The following FRMD4B variants were observed in gnomAD, a reference collection of about 807,000 sequenced individuals.
FRMD4B encodes FERM domain containing 4B.
A neutral mutation model predicts 141.5 loss-of-function variants in FRMD4B; 74 were observed. The observed-to-expected ratio is 0.52, with a 90% CI of 0.43 to 0.63. The LOEUF (loss-of-function observed/expected upper bound fraction) is 0.63, where lower values mean the gene tolerates loss of function less well. Ranked by LOEUF, FRMD4B falls within the 30% of genes least tolerant of loss-of-function variation. FRMD4B has a pLI of 0.00. For missense variants in FRMD4B, 1,366 were observed against 1,253.4 expected (o/e 1.09, Z -1.36); for synonymous variants, 506 against 467.9 (o/e 1.08, Z -1.05).
At chr3:69,481,904 CA>C (rs1706130880) in intron 1 of FRMD4B, among the ~76,000 whole-genome samples, 1 of 152,178 alleles carries the variant, frequency 6.6e-6, no homozygotes, top group African/African-American at 2.4e-5. Context: ...TAAGGTTTAA[CA>C]GAGCCATTCT....
At chr3:69,360,661 G>A (rs928754602) in intron 1 of FRMD4B, among the ~76,000 whole-genome samples, 16 of 152,098 alleles carry the variant, frequency 1.1e-4, no homozygotes, top group Non-Finnish European at 2.4e-4. Flanking sequence ...TAGCACCTAA[G>A]TTTTGCTGAT....
At position 69,291,264 on chromosome 3, in the gene FRMD4B, A is replaced by G. The variant is rs1213734661; in HGVS notation, c.417-3428T>C. ...TTTTCCTTCACTTTTAATTACTTCA[A>G]TAGACTTCTCTAACAGGGACTGTAT... On this transcript the variant is annotated intron_variant, in intron 4 of 22. Transcript: ENST00000398540. Among the ~76,000 whole-genome samples, 8 of 152,310 alleles carry G rather than the reference A, an allele frequency of 5.3e-5. No individual in the cohort carries two copies. The South Asian group carries it at 6.2e-4, about 12-fold the overall frequency.
intron 5 of FRMD4B, among the ~76,000 whole-genome samples, chr3:69,264,978 G>A (rs1016142702): frequency 6.6e-6 from 1 of 151,872 alleles, no homozygotes; most frequent in Admixed American, 6.6e-5. Context: ...ATATGAGGTC[G>A]GGCGCGGTGG....
intron 1 of FRMD4B, among the ~76,000 whole-genome samples, chr3:69,508,766 A>G (rs1706639275): frequency 6.6e-6 from 1 of 152,220 alleles, no homozygotes; most frequent in African/African-American, 2.4e-5. Context: ...ACAGAGCAAC[A>G]TATTATAGCC....
rs141094854 is a variant in FRMD4B at position 69,455,361 on chromosome 3, A to G, written c.-128-22600T>C. Among the ~76,000 whole-genome samples the G allele has an allele frequency of 7.9e-5, 12 of 152,190 alleles. 1 individual carries two copies. The highest frequency in any genetic ancestry group is 4.1e-4 in the South Asian group (2 of 4,828). ...GCAGTTGCTTGTTATTTGGGTCTGCACTGCCTTTATGAGCTGTAACACTCA... is the reference window on the plus strand; with the variant it reads ...GCAGTTGCTTGTTATTTGGGTCTGCGCTGCCTTTATGAGCTGTAACACTCA... On this transcript the variant is annotated intron_variant, in intron 1 of 5. Transcript: ENST00000459638.
chr3:69,229,022 T>G (rs1254864189), intron 7 of FRMD4B, among the ~76,000 whole-genome samples: 3 of 149,302 alleles, frequency 2.0e-5, no homozygotes, highest in Non-Finnish European at 4.5e-5. Context: ...CATGTTTTTT[T>G]TTTTTTTTTT....
At chr3:69,250,312 T>TGTGTGC in intron 5 of FRMD4B, 1 of 458,062 alleles carries the variant, frequency 2.2e-6, no homozygotes, top group South Asian at 2.5e-5. Flanking sequence ...TGTGTGTGTG[T>TGTGTGC]GTGTGTCTAT....
intron 2 of FRMD4B, among the ~76,000 whole-genome samples, chr3:69,426,163 T>C (rs1434334332): frequency 6.6e-6 from 1 of 152,172 alleles, no homozygotes; most frequent in Admixed American, 6.5e-5. Flanking sequence ...ATGGGCTAAG[T>C]GTGGAGCTTC....
At chr3:69,178,688 A>G (rs1467092164) in intron 21 of FRMD4B, among the ~76,000 whole-genome samples, 1 of 151,726 alleles carries the variant, frequency 6.6e-6, no homozygotes, top group African/African-American at 2.4e-5. Context: ...AGAAAAAAAA[A>G]AAAAAAAGGA....
At chr3:69,328,478 C>T (rs1172757966) in intron 1 of FRMD4B, among the ~76,000 whole-genome samples, 5 of 152,070 alleles carry the variant, frequency 3.3e-5, no homozygotes. Flanking sequence ...TTGAATAGGA[C>T]CTGGGTAAAA....
chr3:69,285,973 A>G (rs1469386854), intron 5 of FRMD4B, among the ~76,000 whole-genome samples: 3 of 152,258 alleles, frequency 2.0e-5, no homozygotes, highest in African/African-American at 7.2e-5. Flanking sequence ...CTCATCAGAA[A>G]CAATGCAAGC....
intron 2 of FRMD4B, among the ~76,000 whole-genome samples, chr3:69,406,782 G>C (rs934040475): frequency 1.3e-5 from 2 of 151,956 alleles, no homozygotes; most frequent in African/African-American, 2.4e-5. Context: ...TCTCAGGCTG[G>C]AGTGCAGTGG....
At chr3:69,277,643 A>T (rs1355939455) in intron 5 of FRMD4B, among the ~76,000 whole-genome samples, 1 of 144,518 alleles carries the variant, frequency 6.9e-6, no homozygotes, top group African/African-American at 2.6e-5. Flanking sequence ...CTCCTGCCTC[A>T]GCCTCCCCGT....
At chr3:69,247,012 C>T (rs1384597532) in intron 7 of FRMD4B, among the ~76,000 whole-genome samples, 1 of 152,168 alleles carries the variant, frequency 6.6e-6, no homozygotes, top group African/African-American at 2.4e-5. Flanking sequence ...TCCCCCATAA[C>T]TATAGGTTAT....
intron 7 of FRMD4B, among the ~76,000 whole-genome samples, chr3:69,244,621 A>C (rs926905839): frequency 6.6e-6 from 1 of 151,466 alleles, no homozygotes; most frequent in African/African-American, 2.4e-5. Context: ...CGACAGAGCG[A>C]GACTCTGTTT....
At chr3:69,243,213 A>T (rs1460007355) in intron 7 of FRMD4B, among the ~76,000 whole-genome samples, 1 of 152,178 alleles carries the variant, frequency 6.6e-6, no homozygotes, top group Non-Finnish European at 1.5e-5. Flanking sequence ...CCACTATTTT[A>T]ATTAACTTTC....
chr3:69,240,985 A>G (rs1463874293), intron 7 of FRMD4B, among the ~76,000 whole-genome samples: 1 of 152,202 alleles, frequency 6.6e-6, no homozygotes, highest in Non-Finnish European at 1.5e-5. Context: ...TGAAGAGGCC[A>G]AGTATGCTGA....
At chr3:69,483,157 A>G (rs537866783) in intron 1 of FRMD4B, among the ~76,000 whole-genome samples, 125 of 152,352 alleles carry the variant, frequency 8.2e-4, no homozygotes, top group Non-Finnish European at 1.5e-3. Context: ...AGATGTTCCA[A>G]AAGTACTCTT....
rs145945830 is a variant in FRMD4B, at chr3:69,241,968, T to C, written c.581+7258A>G. ...AATGCATGTGGTTTGGAGCCCTAAT[T>C]TGCCACTCTCTAGCTATGTGACCTA... On this transcript the variant is annotated intron_variant, in intron 7 of 22. Transcript: ENST00000398540. Among the ~76,000 whole-genome samples the C allele has an allele frequency of 6.6e-5, 10 of 152,254 alleles. No individual in the cohort carries two copies. In the South Asian group the frequency reaches 2.1e-3, roughly 32 times the overall value.
Sources: gnomAD v4.1 joint callset for allele counts (sites outside exome capture counted in the v4.1 genomes callset) on GRCh38, gnomAD v4.1.1 for gene constraint, MANE v1.5 for transcripts, NCBI Gene and HGNC (gene_info 2026-07-23, HGNC 2026-07-21) for gene names.